The following CDK8 variants were observed in gnomAD, a reference collection of about 807,000 sequenced individuals.
CDK8 encodes the protein cyclin dependent kinase 8.
CDK8 carries 29 observed loss-of-function variants against 71.5 expected under a neutral mutation model. That is an observed-to-expected ratio of 0.41 (90% CI 0.30 to 0.55). The LOEUF (loss-of-function observed/expected upper bound fraction) is 0.55, where lower values mean the gene tolerates loss of function less well. CDK8 is among the 20% of genes least tolerant of loss of function. The pLI is 0.37. For missense variants in CDK8, 288 were observed against 572.6 expected (o/e 0.50, Z 5.07); for synonymous variants, 161 against 192.1 (o/e 0.84, Z 1.34).
chr13:26,394,939 G>T (rs1403282565), intron 7 of CDK8, among the ~76,000 whole-genome samples: 1 of 152,070 alleles, frequency 6.6e-6, no homozygotes, highest in Non-Finnish European at 1.5e-5. Flanking sequence ...TGAAGATAAG[G>T]ATGGAGAAAA....
In CDK8 at chr13:26,265,208, A is replaced by G. The variant is rs115423091; in HGVS notation, c.128+10439A>G. ...AGTTTACATTCCCACCAACTATGCT[A>G]GGTTCTGTGCCAGATGTAGGTGATT... is the stretch of plus-strand genomic sequence containing the variant. On this transcript the variant is annotated intron_variant, in intron 1 of 12. Coordinates refer to ENST00000381527, the MANE Select transcript of CDK8 (RefSeq NM_001260.3). Among the ~76,000 whole-genome samples the G allele has an allele frequency of 4.7e-3, 710 of 152,272 alleles. 6 individuals are homozygous for G. The highest frequency in any genetic ancestry group is 0.016 in the African/African-American group (661 of 41,560).
At chr13:26,256,610 T>C (rs1871535658) in intron 1 of CDK8, among the ~76,000 whole-genome samples, 1 of 152,232 alleles carries the variant, frequency 6.6e-6, no homozygotes, top group African/African-American at 2.4e-5. Context: ...CAGGGGGTAC[T>C]TAAGCACATT....
intron 1 of CDK8, among the ~76,000 whole-genome samples, chr13:26,320,462 A>G (rs886865482): frequency 8.5e-5 from 13 of 152,116 alleles, no homozygotes; most frequent in Non-Finnish European, 1.8e-4. Flanking sequence ...TTAGAAGATA[A>G]CATAGGGCAA....
rs1873312019 is a variant in CDK8, at chr13:26,291,684, A to T, written c.128+36915A>T. 2.0e-5 allele frequency among the ~76,000 whole-genome samples: 3 copies of T among 152,230 alleles called. No homozygotes were observed. The South Asian group carries it at 6.2e-4, about 32-fold the overall frequency. On this transcript the variant is annotated intron_variant, in intron 1 of 12. Transcript: ENST00000381527. The stretch of plus-strand genomic sequence containing the variant: ...ATGGTATTATTTCTCCTATTTTTAA[A>T]TTTAGAGTAATCTGTTGCAATTTGC...
chr13:26,364,745 C>T (rs542243355), intron 4 of CDK8, among the ~76,000 whole-genome samples: 16 of 152,088 alleles, frequency 1.1e-4, no homozygotes, highest in East Asian at 1.9e-4. Context: ...TGGTAAAGGG[C>T]GATTGTTATT....
In CDK8 at chr13:26,391,015, A is replaced by AC. The variant is rs1203671038; in HGVS notation, c.647-2352_647-2351insC. 4.1e-3 allele frequency among the ~76,000 whole-genome samples: 624 copies of AC among 150,424 alleles called. 4 individuals carry two copies. The highest frequency in any genetic ancestry group is 6.0e-3 in the Non-Finnish European group (409 of 67,636). On this transcript the variant is annotated intron_variant, in intron 6 of 12. Coordinates refer to ENST00000381527, the MANE Select transcript of CDK8 (RefSeq NM_001260.3). ...TGGGCACAATCTAAAAAAAAAAAAAAAACAAGGTAGGAAAAAGAAACTTAT... is the reference window on the plus strand; with the variant it reads ...TGGGCACAATCTAAAAAAAAAAAAAACAACAAGGTAGGAAAAAGAAACTTAT...
chr13:26,353,646 C>T (rs1873773988), intron 3 of CDK8, 94 bp from the exon 4 acceptor site: 1 of 960,704 alleles, frequency 1.0e-6, no homozygotes, highest in Non-Finnish European at 1.5e-6. Context: ...TATGGGAATC[C>T]CTGAGTGTTT....
chr13:26,364,057 C>G (rs1874268167), intron 4 of CDK8, among the ~76,000 whole-genome samples: 1 of 152,162 alleles, frequency 6.6e-6, no homozygotes, highest in Non-Finnish European at 1.5e-5. Flanking sequence ...CTGCTCAACT[C>G]TACTACTAGT....
intron 1 of CDK8, among the ~76,000 whole-genome samples, chr13:26,335,471 CTG>C (rs1175304104): frequency 6.6e-6 from 1 of 152,070 alleles, no homozygotes; most frequent in Non-Finnish European, 1.5e-5. Context: ...TCCGGTAAAT[CTG>C]TGTCTTCAGC....
intron 6 of CDK8, among the ~76,000 whole-genome samples, chr13:26,386,256 G>T (rs529123060): frequency 3.6e-4 from 55 of 152,282 alleles, no homozygotes; most frequent in African/African-American, 1.3e-3. Context: ...TACTTAAGTT[G>T]TGCATTTAAT....
At chr13:26,389,060 C>T (rs529740368) in intron 6 of CDK8, among the ~76,000 whole-genome samples, 12 of 152,304 alleles carry the variant, frequency 7.9e-5, no homozygotes, top group Admixed American at 7.8e-4. Context: ...ACTTCTATCA[C>T]TCTGGGGTGT....
intron 1 of CDK8, among the ~76,000 whole-genome samples, chr13:26,262,214 AC>A (rs1871800514): frequency 6.6e-6 from 1 of 152,192 alleles, no homozygotes; most frequent in African/African-American, 2.4e-5. Flanking sequence ...ATAGTCATTC[AC>A]TGATATATTA....
intron 4 of CDK8, among the ~76,000 whole-genome samples, chr13:26,366,859 A>G (rs1874413980): frequency 6.6e-6 from 1 of 152,216 alleles, no homozygotes; most frequent in South Asian, 2.1e-4. Context: ...ACCATTTGAA[A>G]TAAGATCATT....
At chr13:26,299,417 G>A (rs1355075614) in intron 1 of CDK8, among the ~76,000 whole-genome samples, 1 of 152,154 alleles carries the variant, frequency 6.6e-6, no homozygotes, top group Admixed American at 6.5e-5. Flanking sequence ...ATATTGTATA[G>A]CCTAGTGCTC....
At chr13:26,344,796 C>T (rs11149436) in intron 2 of CDK8, among the ~76,000 whole-genome samples, 8,829 of 151,738 alleles carry the variant, frequency 0.058, 859 homozygotes, top group African/African-American at 0.2. Flanking sequence ...AGCTGCCTCT[C>T]CTAGGATAAC....
At position 26,290,952 on chromosome 13, in the gene CDK8, TA is replaced by T. The variant is rs561129778; in HGVS notation, c.128+36192del. ...CAACATGGTGAAACCCTGTCTGTAC[TA>T]AAAAAAAATATAAAAATTAGCTGGG... On this transcript the variant is annotated intron_variant, in intron 1 of 12. Coordinates refer to ENST00000381527, the MANE Select transcript of CDK8 (RefSeq NM_001260.3). 7.2e-3 allele frequency among the ~76,000 whole-genome samples: 1,076 copies of T among 150,452 alleles called. 15 individuals are homozygous for T. The highest frequency in any genetic ancestry group is 0.023 in the African/African-American group (937 of 41,052).
intron 1 of CDK8, among the ~76,000 whole-genome samples, chr13:26,336,383 T>C (rs1384677137): frequency 1.3e-5 from 2 of 152,146 alleles, no homozygotes; most frequent in Non-Finnish European, 2.9e-5. Context: ...ACTTCTGTAG[T>C]TTTAAAAGTT....
chr13:26,326,818 C>T (rs1049888918), intron 1 of CDK8, among the ~76,000 whole-genome samples: 12 of 152,176 alleles, frequency 7.9e-5, no homozygotes, highest in African/African-American at 1.7e-4. Flanking sequence ...ACCTAATCTA[C>T]GGCCATATAC....
intron 1 of CDK8, among the ~76,000 whole-genome samples, chr13:26,296,742 T>G (rs1873578793): frequency 1.3e-5 from 2 of 152,200 alleles, no homozygotes; most frequent in South Asian, 4.1e-4. Flanking sequence ...GTAATCAAAT[T>G]TGTAGCGCCA....
Sources: allele counts gnomAD v4.1 joint callset (sites outside exome capture counted in the v4.1 genomes callset), GRCh38; gene constraint gnomAD v4.1.1; transcripts MANE v1.5; gene names NCBI Gene and HGNC (gene_info 2026-07-23, HGNC 2026-07-21).